Variants in COL28A1 observed in about 807,000 individuals in gnomAD.
COL28A1 encodes collagen alpha-1(XXVIII) chain.
A neutral mutation model predicts 150.2 loss-of-function variants in COL28A1; 161 were observed. The observed-to-expected ratio is 1.07, with a 90% confidence interval of 0.94 to 1.22. COL28A1 has a LOEUF of 1.22. COL28A1 is among the 50% of genes most tolerant of loss of function. The pLI is 0.00. For synonymous variants in COL28A1, 552 were observed against 469.7 expected (o/e 1.18, Z -2.26); for missense variants, 1,617 against 1,388.3 (o/e 1.16, Z -2.62).
intron 33 of COL28A1, among the ~76,000 whole-genome samples, chr7:7,368,074 T>C (rs867719693): frequency 6.6e-6 from 1 of 152,060 alleles, no homozygotes; most frequent in Non-Finnish European, 1.5e-5. Flanking sequence ...ACGCCTCATA[T>C]CTCAGCCTCC....
intron 13 of COL28A1, among the ~76,000 whole-genome samples, chr7:7,481,689 TG>T (rs1293640941): frequency 6.6e-6 from 1 of 152,216 alleles, no homozygotes; most frequent in African/African-American, 2.4e-5. Context: ...GAAATACGAT[TG>T]TCCATTATGT....
chr7:7,370,010 C>T (rs1781132903), intron 33 of COL28A1, among the ~76,000 whole-genome samples: 3 of 152,084 alleles, frequency 2.0e-5, no homozygotes, highest in African/African-American at 7.2e-5. Context: ...TCATCGGTAA[C>T]TAAAAAAGGC....
At chr7:7,491,416 G>A (rs982794157) in intron 11 of COL28A1, among the ~76,000 whole-genome samples, 1 of 152,192 alleles carries the variant, frequency 6.6e-6, no homozygotes, top group African/African-American at 2.4e-5. Flanking sequence ...ACAAAAGCCA[G>A]CTGCTGAAGA....
intron 9 of COL28A1, among the ~76,000 whole-genome samples, chr7:7,509,636 GT>G (rs202091752): frequency 4.0e-5 from 6 of 151,182 alleles, no homozygotes; most frequent in Non-Finnish European, 7.4e-5. Flanking sequence ...TTGGCAGTGG[GT>G]TTTTTTTGTT....
At chr7:7,471,410 TA>T (rs1262965645) in intron 15 of COL28A1, among the ~76,000 whole-genome samples, 4 of 152,106 alleles carry the variant, frequency 2.6e-5, no homozygotes, top group African/African-American at 7.2e-5. Flanking sequence ...GGAAAGGACA[TA>T]ACCAAAAGAG....
chr7:7,497,477 G>C (rs1256864290), intron 11 of COL28A1, among the ~76,000 whole-genome samples: 1 of 152,124 alleles, frequency 6.6e-6, no homozygotes, highest in Non-Finnish European at 1.5e-5. Flanking sequence ...CCAAATCATA[G>C]AGCCAATAAA....
In COL28A1 at chr7:7,483,099, C is replaced by G. The variant is rs184109897; in HGVS notation, c.1165-5919G>C. Among the ~76,000 whole-genome samples the G allele has an allele frequency of 1.3e-4, 20 of 152,302 alleles. No homozygotes were observed. In the East Asian group the frequency reaches 3.3e-3, roughly 25 times the overall value. Reference sequence around the variant, plus strand: ...TTCGACTTAAGATTTTTGGATTTTACAATGGGTTGGTCAGCATGTAACCCC... The same window carrying G: ...TTCGACTTAAGATTTTTGGATTTTAGAATGGGTTGGTCAGCATGTAACCCC... On this transcript the variant is annotated intron_variant, in intron 13 of 34. Coordinates refer to ENST00000399429, the MANE Select transcript of COL28A1 (RefSeq NM_001037763.3).
At chr7:7,491,861 T>C (rs1034287348) in intron 11 of COL28A1, among the ~76,000 whole-genome samples, 32 of 152,244 alleles carry the variant, frequency 2.1e-4, no homozygotes, top group Non-Finnish European at 4.7e-4. Context: ...CAAAATAATA[T>C]GTCTCATTGT....
In COL28A1 at chr7:7,531,673, T is replaced by G; in HGVS notation, c.356A>C (p.Gln119Pro). 1 of 1,591,808 alleles carries G rather than the reference T, an allele frequency of 6.3e-7. No homozygotes were observed. Among genetic ancestry groups the G allele is most frequent in the Non-Finnish European group, 8.6e-7 (1 of 1,159,570 alleles). Residue 119 changes from glutamine (Q) to proline (P), a missense_variant, in exon 3 of 35, where the codon CAG becomes CCG. Coordinates refer to ENST00000399429, the MANE Select transcript of COL28A1 (RefSeq NM_001037763.3). ...SSWKDLQTFK[Q>P]KVKSMNLIGQ... ...TATTAAATTCATAGACTTGACCTTC[T>G]GCTTAAATGTCTGCAGGTCCTTCCA... is the stretch of plus-strand genomic sequence containing the variant.
intron 18 of COL28A1, among the ~76,000 whole-genome samples, chr7:7,444,879 G>C (rs755394370): frequency 2.0e-5 from 3 of 152,162 alleles, no homozygotes; most frequent in Non-Finnish European, 4.4e-5. Context: ...GTAATTCCCA[G>C]TGTTGGAGGA....
intron 16 of COL28A1, among the ~76,000 whole-genome samples, chr7:7,453,926 G>A: frequency 6.6e-6 from 1 of 152,146 alleles, no homozygotes; most frequent in East Asian, 1.9e-4. Flanking sequence ...GATGAGGAAA[G>A]CACCCTCAGT....
At chr7:7,368,389 G>GTTTT (rs34289231) in intron 33 of COL28A1, among the ~76,000 whole-genome samples, 7 of 150,126 alleles carry the variant, frequency 4.7e-5, no homozygotes, top group African/African-American at 1.7e-4. Flanking sequence ...TTTGCCTACT[G>GTTTT]TTTTTTTTGT....
At chr7:7,449,686 A>G (rs1786532752) in intron 18 of COL28A1, among the ~76,000 whole-genome samples, 1 of 152,058 alleles carries the variant, frequency 6.6e-6, no homozygotes, top group African/African-American at 2.4e-5. Flanking sequence ...CAAAAAACAA[A>G]ACAAAACAAA....
intron 13 of COL28A1, among the ~76,000 whole-genome samples, chr7:7,479,189 T>C (rs1458880114): frequency 6.6e-6 from 1 of 152,244 alleles, no homozygotes; most frequent in East Asian, 1.9e-4. Flanking sequence ...TACCAAGGAA[T>C]GGCTAATGAC....
chr7:7,509,885 C>T (rs1349002226), intron 9 of COL28A1, among the ~76,000 whole-genome samples: 6 of 152,174 alleles, frequency 3.9e-5, no homozygotes, highest in Non-Finnish European at 7.3e-5. Context: ...TTTCACATTT[C>T]CCATTTTGAC....
intron 3 of COL28A1, among the ~76,000 whole-genome samples, chr7:7,526,464 G>C (rs1446401805): frequency 1.3e-5 from 2 of 152,176 alleles, no homozygotes; most frequent in Admixed American, 6.5e-5. Flanking sequence ...CCACGTCAGA[G>C]AGTGGTTTCC....
At chr7:7,445,554 G>T (rs1219891002) in intron 18 of COL28A1, among the ~76,000 whole-genome samples, 1 of 152,108 alleles carries the variant, frequency 6.6e-6, no homozygotes, top group Non-Finnish European at 1.5e-5. Flanking sequence ...ACAAATTTGT[G>T]CCCTAACAAC....
chr7:7,455,729 G>A (rs1313750215), intron 16 of COL28A1, among the ~76,000 whole-genome samples: 1 of 152,112 alleles, frequency 6.6e-6, no homozygotes, highest in Non-Finnish European at 1.5e-5. Flanking sequence ...CAAACCAGCA[G>A]GTGAGTAAAC....
intron 27 of COL28A1, among the ~76,000 whole-genome samples, chr7:7,396,717 A>G (rs1051509809): frequency 3.3e-5 from 5 of 152,204 alleles, no homozygotes; most frequent in Non-Finnish European, 2.9e-5. Context: ...CCAGAATACA[A>G]TCCTGATGGG....
Sources: gnomAD v4.1 joint callset for allele counts (sites outside exome capture counted in the v4.1 genomes callset) on GRCh38, gnomAD v4.1.1 for gene constraint, MANE v1.5 for transcripts, NCBI Gene and HGNC (gene_info 2026-07-23, HGNC 2026-07-21) for gene names.